The following TENT2 variants were observed in gnomAD, a reference collection of about 807,000 sequenced individuals.
The protein encoded by TENT2 is poly(A) RNA polymerase GLD2.
Under a neutral mutation model 72.2 loss-of-function variants are expected in TENT2, and 44 were observed. That is an observed-to-expected ratio of 0.61 (90% CI 0.48 to 0.78). The LOEUF (loss-of-function observed/expected upper bound fraction) is 0.78. TENT2 is among the 30% of genes least tolerant of loss of function. TENT2 has a pLI of 0.00. For synonymous variants in TENT2, 212 were observed against 192.5 expected, an observed-to-expected ratio of 1.10 and a Z score of -0.84; for missense variants, 541 against 569.6, an observed-to-expected ratio of 0.95 and a Z score of 0.51.
In TENT2 at chr5:79,685,442, TA is replaced by T. The variant is rs1283118451; in HGVS notation, c.*172del. On this transcript the variant is annotated 3_prime_UTR_variant, in exon 15 of 15. Coordinates refer to ENST00000453514, the MANE Select transcript of TENT2 (RefSeq NM_001114394.3). ...CATATTTTATTATGACATTTCCTAA[TA>T]AACCCCTTTGATTTAAAAATGTATT... The T allele has an allele frequency of 2.2e-6, 1 of 452,720 alleles. No homozygotes were observed. The highest frequency in any genetic ancestry group is 3.8e-6 in the Non-Finnish European group (1 of 263,336). The allele number at this position is 452,720 out of a possible 1,614,324, so 28.0% of individuals were successfully genotyped here.
intron 1 of TENT2, among the ~76,000 whole-genome samples, chr5:79,615,574 A>AT (rs1759035794): frequency 6.6e-6 from 1 of 152,182 alleles, no homozygotes; most frequent in Non-Finnish European, 1.5e-5. Flanking sequence ...CCTATGAAGT[A>AT]GGATCCTATG....
chr5:79,639,802 G>A (rs1782959234), intron 4 of TENT2, among the ~76,000 whole-genome samples: 1 of 152,140 alleles, frequency 6.6e-6, no homozygotes, highest in South Asian at 2.1e-4. Context: ...TTATTGTAAA[G>A]ACCACATTAT....
At chr5:79,615,648 C>T (rs753008822) in intron 1 of TENT2, among the ~76,000 whole-genome samples, 7 of 151,432 alleles carry the variant, frequency 4.6e-5, no homozygotes, top group Non-Finnish European at 7.4e-5. Flanking sequence ...TGAGCCTGAG[C>T]AAAGGGTGAA....
intron 12 of TENT2, among the ~76,000 whole-genome samples, chr5:79,678,230 A>G (rs1818810392): frequency 1.3e-5 from 2 of 152,214 alleles, no homozygotes; most frequent in Non-Finnish European, 2.9e-5. Context: ...CAAAATTCAC[A>G]AGATGCAAGA....
chr5:79,628,183 T>G (rs1345809537), intron 4 of TENT2, among the ~76,000 whole-genome samples: 1 of 152,260 alleles, frequency 6.6e-6, no homozygotes, highest in Non-Finnish European at 1.5e-5. Flanking sequence ...TATCTGTCAT[T>G]ACTGGCATTG....
chr5:79,670,219 CAAA>C (rs1327703736), intron 12 of TENT2, among the ~76,000 whole-genome samples: 3 of 115,302 alleles, frequency 2.6e-5, no homozygotes, highest in African/African-American at 3.2e-5. Context: ...AACTCTATCT[CAAA>C]AAAAAAAAAA....
At chr5:79,629,303 A>G (rs1773107333) in intron 4 of TENT2, among the ~76,000 whole-genome samples, 1 of 152,236 alleles carries the variant, frequency 6.6e-6, no homozygotes, top group African/African-American at 2.4e-5. Flanking sequence ...ATGTAACTGT[A>G]TTGACAGTAT....
intron 12 of TENT2, among the ~76,000 whole-genome samples, chr5:79,675,729 T>C (rs1816759997): frequency 6.6e-6 from 1 of 152,170 alleles, no homozygotes; most frequent in Non-Finnish European, 1.5e-5. Flanking sequence ...TAACTGACCA[T>C]GCATGGGATA....
intron 10 of TENT2, among the ~76,000 whole-genome samples, chr5:79,649,809 C>T (rs1383824878): frequency 2.0e-5 from 3 of 152,064 alleles, no homozygotes; most frequent in African/African-American, 4.8e-5. Context: ...CTGAAAATTT[C>T]CTAGACGTAT....
chr5:79,619,938 T>G (rs1397311238), intron 2 of TENT2, 56 bp from the exon 3 acceptor site: 1 of 1,472,934 alleles, frequency 6.8e-7, no homozygotes, highest in Non-Finnish European at 9.2e-7. Flanking sequence ...GAGACTGGTT[T>G]TGTTTTTAAA....
At chr5:79,661,871 G>T (rs544108098) in intron 11 of TENT2, among the ~76,000 whole-genome samples, 1 of 152,160 alleles carries the variant, frequency 6.6e-6, no homozygotes, top group African/African-American at 2.4e-5. Flanking sequence ...AGCATTTTAC[G>T]TACAGTAGAA....
At chr5:79,633,920 G>A (rs1160639125) in intron 4 of TENT2, among the ~76,000 whole-genome samples, 1 of 148,790 alleles carries the variant, frequency 6.7e-6, no homozygotes, top group Non-Finnish European at 1.5e-5. Context: ...TTGGGAGGCC[G>A]AGGCGGGCAG....
At chr5:79,625,723 T>C (rs1188492557) in intron 4 of TENT2, among the ~76,000 whole-genome samples, 1 of 151,372 alleles carries the variant, frequency 6.6e-6, no homozygotes, top group Non-Finnish European at 1.5e-5. Context: ...TCCTCTGTAA[T>C]TTTTTTTTAA....
chr5:79,653,471 C>G (rs146409383), intron 10 of TENT2, among the ~76,000 whole-genome samples: 1 of 152,256 alleles, frequency 6.6e-6, no homozygotes, highest in East Asian at 1.9e-4. Context: ...TCAGCCTGAC[C>G]AGCAGAGTGA....
rs533430496 is a variant in TENT2 at position 79,650,788 on chromosome 5, A to G, written c.1027+1598A>G. On this transcript the variant is annotated intron_variant, in intron 10 of 14. Coordinates refer to ENST00000453514, the MANE Select transcript of TENT2 (RefSeq NM_001114394.3). The stretch of plus-strand genomic sequence containing the variant: ...TTCCTGGTAGACTGGGCTTCTTTGG[A>G]TAGGGATTGGAGGATGATACCCAAA... Among the ~76,000 whole-genome samples, 46 of 152,060 alleles carry G rather than the reference A, an allele frequency of 3.0e-4. No individual in the cohort carries two copies. In the South Asian group the frequency reaches 8.7e-3, roughly 29 times the overall value.
At chr5:79,682,456 T>C (rs1822770638) in intron 14 of TENT2, among the ~76,000 whole-genome samples, 1 of 151,242 alleles carries the variant, frequency 6.6e-6, no homozygotes, top group Non-Finnish European at 1.5e-5. Flanking sequence ...ATTTTTTTTT[T>C]TTTTTTTTTG....
intron 4 of TENT2, among the ~76,000 whole-genome samples, chr5:79,628,379 T>C (rs925878745): frequency 6.6e-6 from 1 of 152,190 alleles, no homozygotes; most frequent in African/African-American, 2.4e-5. Context: ...CCTTGCTGTT[T>C]AGTGAGTTTG....
At chr5:79,661,912 A>G (rs183709149) in intron 11 of TENT2, among the ~76,000 whole-genome samples, 114 of 152,336 alleles carry the variant, frequency 7.5e-4, no homozygotes, top group East Asian at 3.9e-4. Context: ...AGTCCGCTCA[A>G]ACTCTGCCAC....
rs928184266 is a variant in TENT2, at chr5:79,687,409, C to T, written c.*2136C>T. On this transcript the variant is annotated 3_prime_UTR_variant, in exon 15 of 15. Transcript: ENST00000453514. ...TTGAGGGATTGATTCCAGGTCAACC[C>T]CGTCCTCTTCAGATACCAAAATCCA... 5.3e-5 allele frequency among the ~76,000 whole-genome samples: 8 copies of T among 152,080 alleles called. No homozygotes were observed. Among genetic ancestry groups the T allele is most frequent in the Non-Finnish European group, 7.4e-5 (5 of 68,000 alleles).
Sources: gnomAD v4.1 joint callset for allele counts (sites outside exome capture counted in the v4.1 genomes callset) on GRCh38, gnomAD v4.1.1 for gene constraint, MANE v1.5 for transcripts, NCBI Gene and HGNC (gene_info 2026-07-23, HGNC 2026-07-21) for gene names.